COL11A1: variants seen among roughly 807,000 people sequenced by gnomAD.
The protein encoded by COL11A1 is collagen type XI alpha 1 chain.
COL11A1 carries 74 observed loss-of-function variants against 265.2 expected under a neutral mutation model. That is an observed-to-expected ratio of 0.28 (90% CI 0.23 to 0.34). COL11A1 has a LOEUF of 0.34. Ranked by LOEUF, COL11A1 falls within the 10% of genes least tolerant of loss-of-function variation. The probability of loss-of-function intolerance (pLI) is 1.00; values close to 1 mark genes in which losing one functional copy is unlikely to be tolerated. For synonymous variants in COL11A1, 816 were observed against 727.6 expected, an observed-to-expected ratio of 1.12 and a Z score of -1.96; for missense variants, 2,165 against 2,263.6, an observed-to-expected ratio of 0.96 and a Z score of 0.88.
At chr1:103,039,185 A>G (rs1277726276) in intron 4 of COL11A1, among the ~76,000 whole-genome samples, 1 of 152,206 alleles carries the variant, frequency 6.6e-6, no homozygotes, top group Admixed American at 6.5e-5. Context: ...AGACTATCAG[A>G]CTGCATCATT....
At position 103,064,533 on chromosome 1, in the gene COL11A1, CA is replaced by C. The variant is rs554437682; in HGVS notation, c.651+10084del. ...TGAAAACCTGTCTTCACTAAAAACA[CA>C]AAAAAAATTAGCCAGGCGTGGTGGT... is the stretch of plus-strand genomic sequence containing the variant. On this transcript the variant is annotated intron_variant, in intron 4 of 66. Coordinates refer to ENST00000370096, the MANE Select transcript of COL11A1 (RefSeq NM_001854.4). 2.7e-5 allele frequency among the ~76,000 whole-genome samples: 4 copies of C among 150,706 alleles called. No individual in the cohort carries two copies. The East Asian group carries it at 7.8e-4, about 29-fold the overall frequency.
At chr1:102,969,002 G>T (rs1661699301) in intron 37 of COL11A1, among the ~76,000 whole-genome samples, 1 of 152,190 alleles carries the variant, frequency 6.6e-6, no homozygotes, top group South Asian at 2.1e-4. Flanking sequence ...TGATTTGGCT[G>T]AAAGATTTGA....
intron 4 of COL11A1, among the ~76,000 whole-genome samples, chr1:103,046,931 T>A (rs2102093126): frequency 6.6e-6 from 1 of 152,298 alleles, no homozygotes; most frequent in African/African-American, 2.4e-5. Flanking sequence ...TGCGGCATTA[T>A]TTCTGAGGGC....
At chr1:102,970,946 G>A (rs1373818976) in intron 36 of COL11A1, among the ~76,000 whole-genome samples, 1 of 151,926 alleles carries the variant, frequency 6.6e-6, no homozygotes, top group Non-Finnish European at 1.5e-5. Context: ...CCTGGGAGGC[G>A]GAGGTTGCAG....
Position 102,887,021 on chromosome 1 carries a change from G to C in COL11A1, c.4644C>G (p.Ile1548Met). The change falls in exon 63 of 67, where the codon ATC (isoleucine) becomes ATG (methionine). Residue 1548 changes from isoleucine to methionine, a missense_variant. Physicochemically the swap from Ile to Met is conservative, Grantham distance 10. Coordinates refer to ENST00000370096, the MANE Select transcript of COL11A1 (RefSeq NM_001854.4). Reference sequence around the variant, plus strand: ...GTCTTCTCGTTTTTTTGGAGGACAAGATTGGTAAAGGCTGAATGACTTCAC... The same window carrying C: ...GTCTTCTCGTTTTTTTGGAGGACAACATTGGTAAAGGCTGAATGACTTCAC... The part of the protein sequence containing the change: ...PPGEVIQPLP[I>M]LSSKKTRRHT... The C allele has an allele frequency of 6.2e-7, 1 of 1,613,856 alleles. No individual in the cohort carries two copies. Among genetic ancestry groups the C allele is most frequent in the Non-Finnish European group, 8.5e-7 (1 of 1,179,836 alleles).
intron 54 of COL11A1, among the ~76,000 whole-genome samples, chr1:102,909,905 T>A (rs550962389): frequency 6.6e-6 from 1 of 151,980 alleles, no homozygotes; most frequent in Admixed American, 6.6e-5. Flanking sequence ...TAAAAATATG[T>A]TATAATAAAG....
intron 5 of COL11A1, chr1:103,030,840 T>C: frequency 2.5e-6 from 1 of 400,490 alleles, no homozygotes; most frequent in African/African-American, 2.1e-5. Flanking sequence ...ACATATTATC[T>C]TCTTCTCACC....
intron 1 of COL11A1, among the ~76,000 whole-genome samples, chr1:103,097,460 T>C (rs1673868699): frequency 6.6e-6 from 1 of 151,614 alleles, no homozygotes; most frequent in South Asian, 2.1e-4. Flanking sequence ...TGGTACTTTC[T>C]CAGGGAAGTT....
Position 102,879,628 on chromosome 1 carries a change from G to A in COL11A1, c.5274+55C>T, listed in dbSNP as rs569591158. 375 of 1,505,572 alleles carry A rather than the reference G, an allele frequency of 2.5e-4. 4 individuals are homozygous for A. In the South Asian group the frequency reaches 2.5e-3, roughly 10 times the overall value. 93.3% of individuals were successfully genotyped at this position (1,505,572 alleles called of 1,614,324 possible). On this transcript the variant is annotated intron_variant, in intron 66 of 66. Coordinates refer to ENST00000370096, the MANE Select transcript of COL11A1 (RefSeq NM_001854.4). ...AATCTGGCTAAGGACCGACTGAAACGGTGACATGCTGCCTATCATCTCTGT... is the reference window on the plus strand; with the variant it reads ...AATCTGGCTAAGGACCGACTGAAACAGTGACATGCTGCCTATCATCTCTGT...
intron 4 of COL11A1, among the ~76,000 whole-genome samples, chr1:103,034,718 T>A (rs538839765): frequency 6.6e-6 from 1 of 152,060 alleles, no homozygotes; most frequent in Non-Finnish European, 1.5e-5. Context: ...CTTAACTGTT[T>A]TGCTTTGCTT....
chr1:103,095,061 C>T (rs116195286), intron 1 of COL11A1, among the ~76,000 whole-genome samples: 1 of 151,988 alleles, frequency 6.6e-6, no homozygotes, highest in East Asian at 1.9e-4. Flanking sequence ...CTCAGAACAC[C>T]TGAATTAACA....
chr1:103,027,634 C>T (rs948471264), intron 5 of COL11A1, among the ~76,000 whole-genome samples: 1 of 151,716 alleles, frequency 6.6e-6, no homozygotes, highest in Non-Finnish European at 1.5e-5. Flanking sequence ...CCCTTTTAAT[C>T]TTCCAGCAAA....
At position 103,082,756 on chromosome 1, in the gene COL11A1, G is replaced by A. The variant is rs764806872; in HGVS notation, c.274+49C>T. ...AAGTAGTTTTAGTAGTAACAAAAGT[G>A]TAATAACTTTTAGTAATAATAACAA... is the stretch of plus-strand genomic sequence containing the variant. On this transcript the variant is annotated intron_variant, in intron 2 of 66. Coordinates refer to ENST00000370096, the MANE Select transcript of COL11A1 (RefSeq NM_001854.4). 4.7e-6 allele frequency: 7 copies of A among 1,474,504 alleles called. No individual in the cohort carries two copies. In the East Asian group the frequency reaches 1.2e-4, roughly 26 times the overall value. 91.3% of individuals were successfully genotyped at this position (1,474,504 alleles called of 1,614,324 possible).
At chr1:103,006,815 AC>A (rs1184956698) in intron 15 of COL11A1, among the ~76,000 whole-genome samples, 1 of 152,090 alleles carries the variant, frequency 6.6e-6, no homozygotes, top group Non-Finnish European at 1.5e-5. Flanking sequence ...GGCGTGAGCC[AC>A]CGCGCCCGGC....
At chr1:103,035,500 T>A (rs978574310) in intron 4 of COL11A1, among the ~76,000 whole-genome samples, 2 of 152,112 alleles carry the variant, frequency 1.3e-5, no homozygotes, top group African/African-American at 4.8e-5. Flanking sequence ...TTCAGAAATA[T>A]CTCCACTGAT....
chr1:103,039,205 C>A (rs1668618247), intron 4 of COL11A1, among the ~76,000 whole-genome samples: 1 of 152,150 alleles, frequency 6.6e-6, no homozygotes, highest in Non-Finnish European at 1.5e-5. Context: ...TGAAACCAAA[C>A]CAAGTTTCAA....
intron 4 of COL11A1, among the ~76,000 whole-genome samples, chr1:103,048,743 T>C (rs1384687312): frequency 1.3e-5 from 2 of 152,212 alleles, no homozygotes; most frequent in Non-Finnish European, 2.9e-5. Context: ...TTTAGTGCTA[T>C]AAATTTCCCT....
intron 63 of COL11A1, among the ~76,000 whole-genome samples, chr1:102,885,530 C>T (rs767025390): frequency 3.9e-5 from 6 of 151,960 alleles, no homozygotes; most frequent in Non-Finnish European, 8.8e-5. Flanking sequence ...TTCTAATAGT[C>T]GCATAACTTT....
chr1:103,108,429 C>T lies in COL11A1; in HGVS notation c.-251G>A. On this transcript the variant is annotated 5_prime_UTR_variant, in exon 1 of 67. Transcript: ENST00000370096. The stretch of plus-strand genomic sequence containing the variant: ...CGGCCGCGACCCTCTGATCCTTCCT[C>T]TGCCGGGCCCTGCCTTCAGAATGAA... 2 of 603,592 alleles carry T rather than the reference C, an allele frequency of 3.3e-6. No individual in the cohort carries two copies. Among genetic ancestry groups the T allele is most frequent in the Non-Finnish European group, 5.9e-6 (2 of 340,132 alleles). The allele number at this position is 603,592 out of a possible 1,614,324, so 37.4% of individuals were successfully genotyped here.
Sources: allele counts gnomAD v4.1 joint callset (sites outside exome capture counted in the v4.1 genomes callset), GRCh38; gene constraint gnomAD v4.1.1; transcripts MANE v1.5; gene names NCBI Gene and HGNC (gene_info 2026-07-23, HGNC 2026-07-21).